MRTFA: variants seen among roughly 807,000 people sequenced by gnomAD.
The protein encoded by MRTFA is myocardin-related transcription factor A.
In MRTFA, 20 loss-of-function variants were observed where a neutral mutation model predicts 83.5. The observed-to-expected ratio is 0.24, with a 90% CI of 0.17 to 0.35. The LOEUF (loss-of-function observed/expected upper bound fraction) is 0.35. Ranked by LOEUF, MRTFA falls within the 10% of genes least tolerant of loss-of-function variation. MRTFA has a pLI of 1.00. For missense variants in MRTFA, 1,200 were observed against 1,224.7 expected, an observed-to-expected ratio of 0.98 and a Z score of 0.30; for synonymous variants, 659 against 541.2, an observed-to-expected ratio of 1.22 and a Z score of -3.02.
At chr22:40,466,480 G>C (rs2053813874) in intron 3 of MRTFA, among the ~76,000 whole-genome samples, 1 of 152,130 alleles carries the variant, frequency 6.6e-6, no homozygotes, top group Non-Finnish European at 1.5e-5. Flanking sequence ...GGAGGCACCT[G>C]ATCATATGCA....
chr22:40,629,080 G>A (rs1443884498), intron 1 of MRTFA, among the ~76,000 whole-genome samples: 1 of 151,740 alleles, frequency 6.6e-6, no homozygotes, highest in Non-Finnish European at 1.5e-5. Context: ...GCTGTGGCCA[G>A]GAATTTGAGA....
intron 2 of MRTFA, among the ~76,000 whole-genome samples, chr22:40,583,858 T>G (rs1569339546): frequency 1.3e-5 from 2 of 152,190 alleles, no homozygotes; most frequent in Non-Finnish European, 2.9e-5. Flanking sequence ...CCAAAAATGT[T>G]GGAGACCACT....
intron 3 of MRTFA, among the ~76,000 whole-genome samples, chr22:40,546,030 A>G (rs906545952): frequency 6.6e-6 from 1 of 152,248 alleles, no homozygotes; most frequent in Non-Finnish European, 1.5e-5. Flanking sequence ...CCCGGCCACC[A>G]CTGAATTTCT....
At chr22:40,429,872 T>C in intron 6 of MRTFA, 105 bp from the exon 7 acceptor site, 2 of 1,191,292 alleles carry the variant, frequency 1.7e-6, no homozygotes, top group Non-Finnish European at 2.3e-6. Flanking sequence ...GAGGAGTGAC[T>C]GTCAGAACGG....
intron 2 of MRTFA, among the ~76,000 whole-genome samples, chr22:40,555,928 C>T (rs2055516433): frequency 6.6e-6 from 1 of 152,072 alleles, no homozygotes; most frequent in African/African-American, 2.4e-5. Flanking sequence ...CGTGAGCCAC[C>T]ATGCCCAGCC....
Position 40,552,334 on chromosome 22 carries a change from T to C in MRTFA, c.13A>G (p.Ser5Gly), listed in dbSNP as rs568820363. The change falls in exon 3 of 15, where the codon AGT (serine) becomes GGT (glycine). Residue 5 changes from serine (S) to glycine (G), a missense_variant. Physicochemically the swap from Ser to Gly is moderately conservative, Grantham distance 56 (BLOSUM62 0). This residue lies in a region of MRTFA where 93 missense variants were observed against 182.9 expected (regional missense o/e 0.51). Transcript: ENST00000355630. ...ACGGAAGGGGGCAGGCACACCACAC[T>C]GGAGAAATCCACTTTGGCTTTCGTG... The C allele has an allele frequency of 4.0e-5, 16 of 399,002 alleles. No homozygotes were observed. The East Asian group carries it at 5.7e-4, about 14-fold the overall frequency. The allele number at this position is 399,002 out of a possible 1,614,324, so 24.7% of individuals were successfully genotyped here.
intron 13 of MRTFA, 50 bp downstream of exon 13, chr22:40,417,277 GAGCCTCAGCCCAGC>G: frequency 6.4e-7 from 1 of 1,563,118 alleles, no homozygotes; most frequent in Non-Finnish European, 8.7e-7. Flanking sequence ...GGGGCTGTAG[GAGCCTCAGCCCAGC>G]AGCCTAGGGC....
intron 1 of MRTFA, among the ~76,000 whole-genome samples, chr22:40,618,707 T>G (rs1002060416): frequency 2.6e-5 from 4 of 152,156 alleles, no homozygotes; most frequent in African/African-American, 9.7e-5. Flanking sequence ...CTCACGCCTT[T>G]AATTCCAGCA....
chr22:40,614,290 A>G (rs2056423383), intron 1 of MRTFA, among the ~76,000 whole-genome samples: 1 of 151,754 alleles, frequency 6.6e-6, no homozygotes, highest in South Asian at 2.1e-4. Flanking sequence ...ACCCACCTGT[A>G]GTCCCAGCTA....
At chr22:40,442,437 A>G (rs1045766854) in intron 4 of MRTFA, among the ~76,000 whole-genome samples, 4 of 152,212 alleles carry the variant, frequency 2.6e-5, no homozygotes, top group Non-Finnish European at 5.9e-5. Flanking sequence ...TATACACAGA[A>G]CATCAATGAG....
chr22:40,567,796 T>C (rs1190789035), intron 2 of MRTFA, among the ~76,000 whole-genome samples: 1 of 152,210 alleles, frequency 6.6e-6, no homozygotes, highest in Non-Finnish European at 1.5e-5. Flanking sequence ...TTTATAGTAT[T>C]GTGCTTTGTT....
chr22:40,571,026 C>CAAAAAAAAAAAAAAAAAAAAAAAAAA (rs71199292), intron 2 of MRTFA, among the ~76,000 whole-genome samples: 1 of 46,744 alleles, frequency 2.1e-5, no homozygotes. Context: ...CCTGTCTCTA[C>CAAAAAAAAAAAAAAAAAAAAAAAAAA]AAAAAAAAAA....
At chr22:40,488,647 C>T (rs998996040) in intron 3 of MRTFA, among the ~76,000 whole-genome samples, 9 of 152,060 alleles carry the variant, frequency 5.9e-5, no homozygotes, top group Non-Finnish European at 7.4e-5. Context: ...GCCTGGCTAA[C>T]GTGGTGAAAC....
intron 5 of MRTFA, among the ~76,000 whole-genome samples, chr22:40,435,179 A>C (rs1021870150): frequency 6.6e-6 from 1 of 152,228 alleles, no homozygotes; most frequent in Non-Finnish European, 1.5e-5. Flanking sequence ...AAAGATGGGG[A>C]AATACCAGTG....
chr22:40,566,765 G>A (rs749481320), intron 2 of MRTFA, among the ~76,000 whole-genome samples: 9 of 152,136 alleles, frequency 5.9e-5, no homozygotes, highest in Admixed American at 2.6e-4. Context: ...CCCGCGAGGC[G>A]GAGGTTGCAG....
At chr22:40,544,236 TTTTG>T (rs554198507) in intron 3 of MRTFA, among the ~76,000 whole-genome samples, 212 of 152,282 alleles carry the variant, frequency 1.4e-3, no homozygotes, top group African/African-American at 4.5e-3. Flanking sequence ...TCTTTTTGTG[TTTTG>T]TTTGTTTGTT....
intron 1 of MRTFA, among the ~76,000 whole-genome samples, chr22:40,600,688 C>A: frequency 6.6e-6 from 1 of 152,134 alleles, no homozygotes; most frequent in East Asian, 1.9e-4. Flanking sequence ...AAATAAAAAA[C>A]TACAATCTTG....
At chr22:40,551,282 TAAGAG>T (rs1480983869) in intron 3 of MRTFA, among the ~76,000 whole-genome samples, 1 of 152,134 alleles carries the variant, frequency 6.6e-6, no homozygotes, top group African/African-American at 2.4e-5. Context: ...AATAGGGGAA[TAAGAG>T]AAGATGTTAA....
intron 1 of MRTFA, among the ~76,000 whole-genome samples, chr22:40,595,095 C>CTTA: frequency 7.0e-6 from 1 of 143,346 alleles, no homozygotes; most frequent in South Asian, 2.2e-4. Flanking sequence ...GAAAACTGCT[C>CTTA]TTATTGGTGT....
Sources: allele counts gnomAD v4.1 joint callset (sites outside exome capture counted in the v4.1 genomes callset), GRCh38; gene constraint gnomAD v4.1.1; regional missense constraint gnomAD v4.1.1; transcripts MANE v1.5; gene names NCBI Gene and HGNC (gene_info 2026-07-23, HGNC 2026-07-21).